The following KDM6A variants were observed in gnomAD, a reference collection of about 807,000 sequenced individuals.
KDM6A encodes lysine-specific demethylase 6A.
Under a neutral mutation model 117.6 loss-of-function variants are expected in KDM6A, and 11 were observed. The ratio of observed to expected loss-of-function variants is 0.09; its 90% CI spans 0.06 to 0.15. The LOEUF is 0.15. Among genes scored for constraint, KDM6A ranks in the 10% least tolerant of loss-of-function variants. The pLI, the probability that KDM6A is intolerant of heterozygous loss-of-function variation, is 1.00. For missense variants in KDM6A, 799 were observed against 1,077.3 expected, an observed-to-expected ratio of 0.74 and a Z score of 3.62; for synonymous variants, 384 against 396.1, an observed-to-expected ratio of 0.97 and a Z score of 0.36.
intron 2 of KDM6A, among the ~76,000 whole-genome samples, chrX:44,893,154 G>C (rs1353850494): frequency 9.0e-6 from 1 of 110,818 alleles, no homozygotes; most frequent in Non-Finnish European, 1.9e-5. Context: ...CTTCAGCCTG[G>C]GCGACAGAGC....
chrX:44,956,670 G>A (rs2038347467), intron 2 of KDM6A, among the ~76,000 whole-genome samples: 1 of 111,568 alleles, frequency 9.0e-6, no homozygotes, highest in Non-Finnish European at 1.9e-5. Context: ...TGGGATTATA[G>A]GCGTGCTGGG....
chrX:44,963,351 G>A (rs1218775339), intron 3 of KDM6A, among the ~76,000 whole-genome samples: 1 of 109,231 alleles, frequency 9.2e-6, no homozygotes, highest in Non-Finnish European at 1.9e-5. Flanking sequence ...GGAGGCTGAA[G>A]TGGGAGGAAC....
intron 8 of KDM6A, among the ~76,000 whole-genome samples, chrX:45,051,132 C>T (rs1360300509): frequency 9.0e-6 from 1 of 111,397 alleles, no homozygotes; most frequent in Admixed American, 9.5e-5. Flanking sequence ...GCCTCAGCCT[C>T]CCGAGTAGCT....
chrX:45,089,099 A>C (rs906169500), intron 25 of KDM6A, among the ~76,000 whole-genome samples: 8 of 112,050 alleles, frequency 7.1e-5, no homozygotes, highest in African/African-American at 2.6e-4. Context: ...AGGGATTTCT[A>C]GGTGCTCCAG....
chrX:44,886,410 C>T (rs1346573831), intron 2 of KDM6A, among the ~76,000 whole-genome samples: 2 of 110,511 alleles, frequency 1.8e-5, no homozygotes, highest in East Asian at 5.7e-4. Context: ...TTTTATTGCT[C>T]TGACTGATTA....
At position 45,046,301 on chromosome X, in the gene KDM6A, G is replaced by A. The variant is rs183097131; in HGVS notation, c.655-5408G>A. Among the ~76,000 whole-genome samples, 214 of 111,613 alleles carry A rather than the reference G, an allele frequency of 1.9e-3. 1 individual carries two copies. The highest frequency in any genetic ancestry group is 6.8e-3 in the African/African-American group (210 of 30,752). ...AGGAATTGCAGGTTACTTTCTTATC[G>A]TGATAAAATGCATATGCTTTAGTTT... On this transcript the variant is annotated intron_variant, in intron 8 of 29. Coordinates refer to ENST00000611820, the MANE Select transcript of KDM6A (RefSeq NM_001291415.2).
intron 2 of KDM6A, among the ~76,000 whole-genome samples, chrX:44,948,917 TTGAC>T (rs1310727182): frequency 8.9e-6 from 1 of 112,027 alleles, no homozygotes; most frequent in Non-Finnish European, 1.9e-5. Flanking sequence ...TGCTTTTAAT[TTGAC>T]TGTGAGGAAC....
At chrX:44,881,748 C>T (rs1466951300) in intron 2 of KDM6A, among the ~76,000 whole-genome samples, 2 of 104,799 alleles carry the variant, frequency 1.9e-5, no homozygotes, top group South Asian at 4.4e-4. Context: ...AGTGCAATGT[C>T]GCAATCTCGA....
At chrX:45,044,974 ATATAAG>A (rs1282800415) in intron 8 of KDM6A, among the ~76,000 whole-genome samples, 1 of 111,696 alleles carries the variant, frequency 9.0e-6, no homozygotes, top group East Asian at 2.8e-4. Flanking sequence ...GACATCTATA[ATATAAG>A]TATTTTACAC....
At chrX:45,099,076 A>T (rs145949534) in intron 27 of KDM6A, among the ~76,000 whole-genome samples, 4,146 of 111,461 alleles carry the variant, frequency 0.037, 201 homozygotes, top group African/African-American at 0.13. Context: ...CTCTGTATAC[A>T]CATACATGCT....
chrX:44,895,326 G>C (rs1406286178), intron 2 of KDM6A, among the ~76,000 whole-genome samples: 1 of 107,091 alleles, frequency 9.3e-6, no homozygotes, highest in Non-Finnish European at 1.9e-5. Context: ...CGTTAGCCGG[G>C]ATGGTCTCAT....
At chrX:44,934,231 G>T (rs1304720265) in intron 2 of KDM6A, among the ~76,000 whole-genome samples, 1 of 111,738 alleles carries the variant, frequency 8.9e-6, no homozygotes, top group Non-Finnish European at 1.9e-5. Context: ...TATTTGGCAT[G>T]CCATCATCTT....
At chrX:44,886,097 G>T (rs1183762982) in intron 2 of KDM6A, among the ~76,000 whole-genome samples, 5 of 108,472 alleles carry the variant, frequency 4.6e-5, no homozygotes, top group African/African-American at 1.7e-4. Context: ...TTGCTCTGTT[G>T]CCCAGGGTGG....
chrX:44,943,573 C>A (rs2037458069), intron 2 of KDM6A, among the ~76,000 whole-genome samples: 1 of 112,177 alleles, frequency 8.9e-6, no homozygotes, highest in South Asian at 3.7e-4. Flanking sequence ...AGACTGGCTT[C>A]ATTCACTCAG....
At chrX:44,924,677 G>GTA (rs2036198441) in intron 2 of KDM6A, among the ~76,000 whole-genome samples, 1 of 109,637 alleles carries the variant, frequency 9.1e-6, no homozygotes, top group East Asian at 2.9e-4. Context: ...GTGTGTGTGT[G>GTA]TGTGTGTGTG....
At chrX:45,088,433 A>G (rs1011946880) in intron 25 of KDM6A, among the ~76,000 whole-genome samples, 1 of 113,586 alleles carries the variant, frequency 8.8e-6, no homozygotes, top group African/African-American at 3.2e-5. Context: ...CTGTGTCATT[A>G]TAGCACAGAC....
At chrX:45,041,581 G>A (rs868111807) in intron 8 of KDM6A, among the ~76,000 whole-genome samples, 13 of 111,786 alleles carry the variant, frequency 1.2e-4, no homozygotes, top group East Asian at 2.9e-4. Flanking sequence ...CAGACGGGGC[G>A]GCTGGGCAGA....
Position 44,974,708 on chromosome X carries a change from A to G in KDM6A, c.377A>G (p.Tyr126Cys). The G allele has an allele frequency of 8.5e-7, 1 of 1,182,500 alleles. No homozygotes were observed. Among genetic ancestry groups the G allele is most frequent in the African/African-American group, 1.7e-5 (1 of 57,337 alleles). The change falls in exon 4 of 30, where the codon TAC becomes TGC. Residue 126 changes from tyrosine to cysteine, a missense_variant. By Grantham distance (194) the Tyr-to-Cys change is radical (BLOSUM62 -2). Transcript: ENST00000611820. ...YQRYYSLQSD[Y>C]WKNAAFLYGL... ...AGGTACTACAGTTTACAGTCTGACT[A>G]CTGGAAGGTTAGTGTACATTTGCAT...
chrX:44,954,989 G>A (rs1340660956), intron 2 of KDM6A, among the ~76,000 whole-genome samples: 7 of 111,519 alleles, frequency 6.3e-5, no homozygotes, highest in Non-Finnish European at 1.1e-4. Flanking sequence ...ATAAAGAAAT[G>A]ATTTGACTAG....
Sources: gnomAD v4.1 joint callset for allele counts (sites outside exome capture counted in the v4.1 genomes callset) on GRCh38, gnomAD v4.1.1 for gene constraint, MANE v1.5 for transcripts, NCBI Gene and HGNC (gene_info 2026-07-23, HGNC 2026-07-21) for gene names.